ADAMTS15: variants seen among roughly 807,000 people sequenced by gnomAD.
ADAMTS15 encodes the protein ADAM metallopeptidase with thrombospondin type 1 motif 15, also known as A disintegrin and metalloproteinase with thrombospondin motifs 15.
In ADAMTS15, 35 loss-of-function variants were observed where a neutral mutation model predicts 79.1. The ratio of observed to expected loss-of-function variants is 0.44; its 90% CI spans 0.34 to 0.59. ADAMTS15 has a LOEUF of 0.59. Among genes scored for constraint, ADAMTS15 ranks in the 20% least tolerant of loss-of-function variants. ADAMTS15 has a pLI of 0.02. For synonymous variants in ADAMTS15, 616 were observed against 567.3 expected (o/e 1.09, Z -1.22); for missense variants, 1,324 against 1,318.7 (o/e 1.00, Z -0.06).
At chr11:130,468,663 G>A (rs1255003010) in intron 4 of ADAMTS15, among the ~76,000 whole-genome samples, 1 of 151,486 alleles carries the variant, frequency 6.6e-6, no homozygotes, top group Non-Finnish European at 1.5e-5. Flanking sequence ...TACTCGGGAG[G>A]CTGAGGCAGG....
chr11:130,453,477 G>T (rs567016819), intron 1 of ADAMTS15, among the ~76,000 whole-genome samples: 149 of 151,556 alleles, frequency 9.8e-4, no homozygotes, highest in Non-Finnish European at 1.6e-3. Flanking sequence ...TAGAGATAGG[G>T]TCTCATTCTG....
chr11:130,467,930 CT>C (rs1373447442), intron 4 of ADAMTS15, among the ~76,000 whole-genome samples: 3 of 152,160 alleles, frequency 2.0e-5, no homozygotes, highest in Non-Finnish European at 1.5e-5. Flanking sequence ...AATACAGCCC[CT>C]GATCGAGGTT....
Position 130,470,872 on chromosome 11 carries a change from G to GC in ADAMTS15, c.1721-46dup, listed in dbSNP as rs778718323. Reference sequence around the variant, plus strand: ...GGAGGGAGGCTTGTCCTTTGCACCGGCCTTGTCCCTTCCCCTCAACTTCTT... The same window carrying GC: ...GGAGGGAGGCTTGTCCTTTGCACCGGCCCTTGTCCCTTCCCCTCAACTTCTT... On this transcript the variant is annotated intron_variant, in intron 5 of 7. Transcript: ENST00000299164. 9 of 1,581,708 alleles carry GC rather than the reference G, an allele frequency of 5.7e-6. No individual in the cohort carries two copies. In the South Asian group the frequency reaches 1.1e-4, roughly 18 times the overall value.
chr11:130,461,399 T>C, intron 1 of ADAMTS15, 90 bp from the exon 2 acceptor site: 2 of 1,567,726 alleles, frequency 1.3e-6, no homozygotes, highest in South Asian at 2.3e-5. Context: ...TGAGCTGGAA[T>C]GTCCTATAGG....
At chr11:130,453,791 A>C (rs1938017218) in intron 1 of ADAMTS15, among the ~76,000 whole-genome samples, 1 of 152,116 alleles carries the variant, frequency 6.6e-6, no homozygotes, top group Non-Finnish European at 1.5e-5. Context: ...TATATATTCA[A>C]GTTATTTTTC....
chr11:130,473,332 G>T lies in ADAMTS15; in HGVS notation c.2364G>T (p.Lys788Asn). Reference sequence around the variant, plus strand: ...CCGTGGAGGTCCTCTCCGTGGGGAAGATGACACCGCCCCGGGTCCGCTACT... The same window carrying T: ...CCGTGGAGGTCCTCTCCGTGGGGAATATGACACCGCCCCGGGTCCGCTACT... ...PLTVEVLSVG[K>N]MTPPRVRYSF... is the part of the protein sequence containing the mutation. The change falls in exon 8 of 8, where the codon AAG becomes AAT. Residue 788 changes from lysine to asparagine, a missense_variant. Physicochemically the swap from Lys to Asn is moderately conservative, Grantham distance 94. Transcript: ENST00000299164. The T allele has an allele frequency of 6.2e-7, 1 of 1,612,996 alleles. No homozygotes were observed. Among genetic ancestry groups the T allele is most frequent in the Non-Finnish European group, 8.5e-7 (1 of 1,180,004 alleles).
At chr11:130,454,785 A>G (rs1472471847) in intron 1 of ADAMTS15, among the ~76,000 whole-genome samples, 1 of 152,180 alleles carries the variant, frequency 6.6e-6, no homozygotes. Context: ...AGTTCACCTG[A>G]TATTAATGTC....
At chr11:130,456,323 C>T (rs1351351904) in intron 1 of ADAMTS15, among the ~76,000 whole-genome samples, 2 of 152,176 alleles carry the variant, frequency 1.3e-5, no homozygotes, top group East Asian at 3.9e-4. Flanking sequence ...CTTGGGGTCC[C>T]TCTTCTTCCT....
chr11:130,470,162 A>ACACATG (rs1565397684), intron 5 of ADAMTS15, among the ~76,000 whole-genome samples: 40 of 56,542 alleles, frequency 7.1e-4, no homozygotes, highest in African/African-American at 2.2e-3. Flanking sequence ...GTGTATATAT[A>ACACATG]TATATATATA....
Position 130,473,128 on chromosome 11 carries a change from C to A in ADAMTS15, c.2160C>A (p.Ile720=), listed in dbSNP as rs61746092. ...GCCAGCGCGGTTACAAAGGGCTGAT[C>A]GGGGATGACAACTACCTGGCTCTGA... is the stretch of plus-strand genomic sequence containing the variant. The part of the protein sequence containing the change: ...DIRQRGYKGL[I]GDDNYLALKN... Residue 720 remains isoleucine (I), a synonymous_variant, in exon 8 of 8, where the codon ATC becomes ATA. Coordinates refer to ENST00000299164, the MANE Select transcript of ADAMTS15 (RefSeq NM_139055.4). The A allele has an allele frequency of 6.2e-7, 1 of 1,614,080 alleles. No individual in the cohort carries two copies. Among genetic ancestry groups the A allele is most frequent in the Admixed American group, 1.7e-5 (1 of 60,034 alleles).
At chr11:130,470,149 T>TAC (rs879617627) in intron 5 of ADAMTS15, among the ~76,000 whole-genome samples, 9 of 59,874 alleles carry the variant, frequency 1.5e-4, no homozygotes, top group African/African-American at 4.8e-4. Flanking sequence ...TATATATATA[T>TAC]ATGTGTATAT....
chr11:130,457,818 C>T (rs1210949612), intron 1 of ADAMTS15, among the ~76,000 whole-genome samples: 2 of 152,164 alleles, frequency 1.3e-5, no homozygotes, highest in Non-Finnish European at 2.9e-5. Context: ...TGCAGAGGCC[C>T]AGCGGTTCTT....
In ADAMTS15 at chr11:130,449,417, G is replaced by C; in HGVS notation, c.444G>C (p.Gln148His). Residue 148 changes from glutamine to histidine, a missense_variant, in exon 1 of 8, where the codon CAG becomes CAC. Coordinates refer to ENST00000299164, the MANE Select transcript of ADAMTS15 (RefSeq NM_139055.4). The surrounding 1 kb of genome is among the most constrained non-coding windows in gnomAD (Gnocchi z 7.8). ...PLPNASAPAA[Q>H]RNSQGAHLLQ... is the part of the protein sequence containing the mutation. ...CCAATGCTAGCGCGCCGGCGGCGCA[G>C]CGCAACAGCCAGGGCGCACACCTTC... The C allele has an allele frequency of 5.6e-6, 9 of 1,597,078 alleles. No individual in the cohort carries two copies. The highest frequency in any genetic ancestry group is 7.6e-6 in the Non-Finnish European group (9 of 1,176,670).
chr11:130,461,719 T>C, intron 2 of ADAMTS15, 98 bp downstream of exon 2: 1 of 1,516,230 alleles, frequency 6.6e-7, no homozygotes, highest in Non-Finnish European at 8.9e-7. Context: ...TTCTGAAGCC[T>C]TAGGACCCCT....
intron 1 of ADAMTS15, among the ~76,000 whole-genome samples, chr11:130,460,277 G>GTT (rs200642180): frequency 9.0e-5 from 13 of 143,830 alleles, no homozygotes; most frequent in East Asian, 2.1e-4. Flanking sequence ...CACATCTTCT[G>GTT]TTTTTTTTTT....
chr11:130,456,786 C>T (rs766194909), intron 1 of ADAMTS15, among the ~76,000 whole-genome samples: 34 of 152,244 alleles, frequency 2.2e-4, no homozygotes, highest in African/African-American at 7.0e-4. Context: ...TTTCCTCATC[C>T]GCAGCATGAG....
intron 4 of ADAMTS15, among the ~76,000 whole-genome samples, chr11:130,466,865 C>G (rs1431007254): frequency 1.3e-5 from 2 of 152,292 alleles, no homozygotes; most frequent in Admixed American, 1.3e-4. Flanking sequence ...AATGCCCTTT[C>G]CCTGATGTCT....
Position 130,469,213 on chromosome 11 carries a change from G to A in ADAMTS15, c.1543-49G>A, listed in dbSNP as rs76353149. ...TAGTTTTCTATGGGCTGAGGGGCTG[G>A]GTGTGGCACCTGGATCCACCAAGGA... On this transcript the variant is annotated intron_variant, in intron 4 of 7. Transcript: ENST00000299164. The A allele has an allele frequency of 1.8e-3, 2,505 of 1,358,994 alleles. 27 individuals are homozygous for A. The African/African-American group carries it at 0.032, about 17-fold the overall frequency. 84.2% of individuals were successfully genotyped at this position (1,358,994 alleles called of 1,614,324 possible).
At position 130,474,952 on chromosome 11, in the gene ADAMTS15, G is replaced by A. The variant is rs569328455; in HGVS notation, c.*1131G>A. Reference sequence around the variant, plus strand: ...GTCTTCGTTCCAAACAGCTACTGCTGTCTGCCCTGGGCACGTCACGTTGCA... The same window carrying A: ...GTCTTCGTTCCAAACAGCTACTGCTATCTGCCCTGGGCACGTCACGTTGCA... On this transcript the variant is annotated 3_prime_UTR_variant, in exon 8 of 8. Coordinates refer to ENST00000299164, the MANE Select transcript of ADAMTS15 (RefSeq NM_139055.4). 6.6e-6 allele frequency: 1 copy of A among 152,316 alleles called. No individual in the cohort carries two copies. The highest frequency in any genetic ancestry group is 2.4e-5 in the African/African-American group (1 of 41,438). 9.4% of individuals were successfully genotyped at this position (152,316 alleles called of 1,614,324 possible).
Sources: gnomAD v4.1 joint callset for allele counts (sites outside exome capture counted in the v4.1 genomes callset) on GRCh38, gnomAD v4.1.1 for gene constraint, Gnocchi (gnomAD v3.1) non-coding constraint, MANE v1.5 for transcripts, NCBI Gene and HGNC (gene_info 2026-07-23, HGNC 2026-07-21) for gene names.